The following TNS1 variants were observed in gnomAD, a reference collection of about 807,000 sequenced individuals.
TNS1 encodes the protein tensin-1.
Under a neutral mutation model 168.6 loss-of-function variants are expected in TNS1, and 62 were observed. The ratio of observed to expected loss-of-function variants is 0.37; its 90% CI spans 0.30 to 0.45. The LOEUF (loss-of-function observed/expected upper bound fraction) is 0.45, where lower values mean the gene tolerates loss of function less well. Among genes scored for constraint, TNS1 ranks in the 20% least tolerant of loss-of-function variants. The pLI, the probability that TNS1 is intolerant of heterozygous loss-of-function variation, is 1.00. For synonymous variants in TNS1, 934 were observed against 933.2 expected, an observed-to-expected ratio of 1.00 and a Z score of -0.02; for missense variants, 2,240 against 2,339.4, an observed-to-expected ratio of 0.96 and a Z score of 0.88.
chr2:217,984,653 T>A (rs1958145407), intron 2 of TNS1, among the ~76,000 whole-genome samples: 1 of 151,388 alleles, frequency 6.6e-6, no homozygotes, highest in African/African-American at 2.4e-5. Context: ...CACACCCAGC[T>A]ATTTTATTTT....
chr2:217,955,010 T>A (rs983004419), intron 3 of TNS1, among the ~76,000 whole-genome samples: 5 of 151,988 alleles, frequency 3.3e-5, no homozygotes, highest in African/African-American at 1.2e-4. Flanking sequence ...ACTCATGAGC[T>A]CCACCCAACA....
At chr2:218,010,210 T>G (rs1280065735) in exon 1 of TNS1, 2 of 397,600 alleles carry the variant, frequency 5.0e-6, no homozygotes, top group Non-Finnish European at 8.9e-6. Flanking sequence ...ACCCCGAGAG[T>G]GGGCGCCTGG....
intron 19 of TNS1, among the ~76,000 whole-genome samples, chr2:217,844,216 C>A (rs745938887): frequency 5.2e-4 from 79 of 152,144 alleles, no homozygotes; most frequent in Non-Finnish European, 1.1e-3. Context: ...ATGGTCAGCA[C>A]CCTAATCCAG....
rs1942296130 is a variant in TNS1 at position 217,818,516 on chromosome 2, C to T, written c.3816G>A (p.Val1272=). The T allele has an allele frequency of 2.5e-6, 4 of 1,614,124 alleles. No homozygotes were observed. In the East Asian group the frequency reaches 8.9e-5, roughly 36 times the overall value. ...TCCCAGGCACCGTGTGGACGCCAGCCACACTGAACTGAGCTCGAGCCTGGC... is the reference window on the plus strand; with the variant it reads ...TCCCAGGCACCGTGTGGACGCCAGCTACACTGAACTGAGCTCGAGCCTGGC... ...PESQARAQFS[V]AGVHTVPGSP... is the part of the protein sequence containing the mutation. The change falls in exon 24 of 33, where the codon GTG becomes GTA. Residue 1272 remains valine, a synonymous_variant. Transcript: ENST00000682258.
At chr2:217,988,496 C>A (rs575979279) in intron 2 of TNS1, among the ~76,000 whole-genome samples, 22 of 152,278 alleles carry the variant, frequency 1.4e-4, no homozygotes, top group African/African-American at 5.3e-4. Flanking sequence ...ATTGGGAGTC[C>A]CTGGAGTGAC....
upstream of TNS1, among the ~76,000 whole-genome samples, chr2:218,013,858 CCA>C (rs1958732879): frequency 6.6e-6 from 1 of 151,626 alleles, no homozygotes; most frequent in African/African-American, 2.4e-5. Context: ...GGAGGAGGCT[CCA>C]GAGTCTATGG....
Position 217,880,140 on chromosome 2 carries a change from T to C in TNS1, c.1429+758A>G, listed in dbSNP as rs1418638847. ...GGGCATCTCAAGAGTTCCTGGGCTCTGGGCATGCTCACTTTCGGAGCCCGC... is the reference window on the plus strand; with the variant it reads ...GGGCATCTCAAGAGTTCCTGGGCTCCGGGCATGCTCACTTTCGGAGCCCGC... On this transcript the variant is annotated intron_variant, in intron 18 of 32. Transcript: ENST00000682258. This position sits in a 1 kb window ranked among gnomAD's most constrained non-coding sequence, Gnocchi z 4.2. 6.6e-6 allele frequency among the ~76,000 whole-genome samples: 1 copy of C among 152,216 alleles called. No individual in the cohort carries two copies. Among genetic ancestry groups the C allele is most frequent in the Non-Finnish European group, 1.5e-5 (1 of 68,050 alleles).
chr2:217,805,103 T>G (rs1289810835), intron 32 of TNS1, among the ~76,000 whole-genome samples: 1 of 150,014 alleles, frequency 6.7e-6, no homozygotes, highest in East Asian at 2.0e-4. Context: ...ACACACACAC[T>G]TATTCTTCCT....
chr2:217,967,562 G>A (rs1957679628), intron 3 of TNS1, among the ~76,000 whole-genome samples: 3 of 151,998 alleles, frequency 2.0e-5, no homozygotes. Context: ...AGATAGCTAA[G>A]ATAAAATAGA....
At chr2:217,930,449 G>A (rs547812374) in intron 3 of TNS1, among the ~76,000 whole-genome samples, 1 of 152,282 alleles carries the variant, frequency 6.6e-6, no homozygotes, top group South Asian at 2.1e-4. Context: ...GGGCACACAG[G>A]GCCAAACAGA....
intron 1 of TNS1, among the ~76,000 whole-genome samples, chr2:218,029,206 C>T (rs1274897204): frequency 6.9e-6 from 1 of 145,846 alleles, no homozygotes; most frequent in Non-Finnish European, 1.6e-5. Flanking sequence ...TCTCCTTTCC[C>T]TCCTGAGGCA....
intron 3 of TNS1, among the ~76,000 whole-genome samples, chr2:217,970,862 G>T (rs1055601572): frequency 6.6e-6 from 1 of 152,006 alleles, no homozygotes; most frequent in African/African-American, 2.4e-5. Context: ...CACTTTAAAT[G>T]GGCGTATTGT....
chr2:217,910,292 CTGGT>C (rs1954218043), intron 4 of TNS1, among the ~76,000 whole-genome samples: 1 of 152,100 alleles, frequency 6.6e-6, no homozygotes, highest in Non-Finnish European at 1.5e-5. Flanking sequence ...CTTCAGCTTA[CTGGT>C]TGAGATGCTT....
chr2:217,893,037 CATTT>C, intron 10 of TNS1, 25 bp from the exon 11 acceptor site: 1 of 1,613,932 alleles, frequency 6.2e-7, no homozygotes, highest in East Asian at 2.2e-5. Context: ...AACACAAAAT[CATTT>C]ATTTCTAAGG....
chr2:217,806,217 C>T (rs773578618), intron 32 of TNS1, among the ~76,000 whole-genome samples: 1 of 152,196 alleles, frequency 6.6e-6, no homozygotes, highest in Admixed American at 6.5e-5. Context: ...TCCAGGCTCC[C>T]GCAATAGCCC....
intron 32 of TNS1, among the ~76,000 whole-genome samples, chr2:217,807,105 G>A (rs550000944): frequency 8.3e-4 from 127 of 152,320 alleles, no homozygotes; most frequent in Middle Eastern, 3.4e-3. Flanking sequence ...AACACTGAAC[G>A]TTTTGTTTTT....
chr2:217,813,134 G>A lies in TNS1; in HGVS notation c.4954+81C>T, dbSNP rs140911634. On this transcript the variant is annotated intron_variant, in intron 27 of 32. Transcript: ENST00000682258. The surrounding 1 kb of genome is among the most constrained non-coding windows in gnomAD (Gnocchi z 4.0). ...TGGCAGAGCCTGTCAGAAAGAACTT[G>A]GGGTCAGACCCCTGGAGGAACCCAG... The A allele has an allele frequency of 3.1e-4, 298 of 974,810 alleles. 1 individual carries two copies. In the African/African-American group the frequency reaches 4.2e-3, roughly 14 times the overall value. 60.4% of individuals were successfully genotyped at this position (974,810 alleles called of 1,614,324 possible).
chr2:217,889,040 G>A (rs972027461), intron 12 of TNS1, among the ~76,000 whole-genome samples: 8 of 152,160 alleles, frequency 5.3e-5, no homozygotes, highest in Non-Finnish European at 7.3e-5. Flanking sequence ...AGGCCACACC[G>A]TGATTACAGT....
chr2:217,818,839 C>T, intron 23 of TNS1, 80 bp from the exon 24 acceptor site: 1 of 1,192,336 alleles, frequency 8.4e-7, no homozygotes. Flanking sequence ...TCTGCCCTCC[C>T]TCCAACCATG....
Sources: gnomAD v4.1 joint callset for allele counts (sites outside exome capture counted in the v4.1 genomes callset) on GRCh38, gnomAD v4.1.1 for gene constraint, Gnocchi (gnomAD v3.1) non-coding constraint, MANE v1.5 for transcripts, NCBI Gene and HGNC (gene_info 2026-07-23, HGNC 2026-07-21) for gene names.